Variants in TCF7L2 observed in about 807,000 individuals in gnomAD.
TCF7L2 encodes transcription factor 7 like 2.
In TCF7L2, 23 loss-of-function variants were observed where a neutral mutation model predicts 77.9. The ratio of observed to expected loss-of-function variants is 0.30; its 90% CI spans 0.21 to 0.42. TCF7L2 has a LOEUF of 0.42. TCF7L2 is among the 10% of genes least tolerant of loss of function. The pLI, the probability that TCF7L2 is intolerant of heterozygous loss-of-function variation, is 1.00. For synonymous variants in TCF7L2, 413 were observed against 340.2 expected, an observed-to-expected ratio of 1.21 and a Z score of -2.36; for missense variants, 654 against 793.1, an observed-to-expected ratio of 0.82 and a Z score of 2.11.
chr10:113,063,624 T>A (rs1412304295), intron 5 of TCF7L2, among the ~76,000 whole-genome samples: 1 of 151,956 alleles, frequency 6.6e-6, no homozygotes, highest in Non-Finnish European at 1.5e-5. Flanking sequence ...TTAATCTGAT[T>A]CTGTTATCTG....
At chr10:113,127,073 G>A (rs2065768926) in intron 5 of TCF7L2, 2 of 283,412 alleles carry the variant, frequency 7.1e-6, no homozygotes, top group Non-Finnish European at 1.1e-5. Flanking sequence ...CGGGGTGGAT[G>A]CAGTAGATTT....
intron 5 of TCF7L2, among the ~76,000 whole-genome samples, chr10:113,068,406 G>A (rs530386095): frequency 1.9e-4 from 29 of 152,308 alleles, no homozygotes; most frequent in African/African-American, 6.3e-4. Flanking sequence ...AGAAGCCCTC[G>A]TGAGCAAGCC....
At chr10:113,162,315 ATGGGGTGGG>A (rs141675222) in intron 13 of TCF7L2, among the ~76,000 whole-genome samples, 1,897 of 152,214 alleles carry the variant, frequency 0.012, 46 homozygotes, top group African/African-American at 0.044. Context: ...TATTTTATTA[ATGGGGTGGG>A]TGGTGGTTTA....
chr10:113,126,605 T>G (rs1054808141), intron 5 of TCF7L2: 1 of 984,808 alleles, frequency 1.0e-6, no homozygotes, highest in Non-Finnish European at 1.2e-6. Flanking sequence ...GGGGGTGGGT[T>G]GTTGTGGAAT....
chr10:113,026,836 C>T (rs1482760581), intron 4 of TCF7L2, among the ~76,000 whole-genome samples: 1 of 152,200 alleles, frequency 6.6e-6, no homozygotes, highest in East Asian at 1.9e-4. Flanking sequence ...AACTTTCTTG[C>T]TATTAATAGC....
intron 5 of TCF7L2, among the ~76,000 whole-genome samples, chr10:113,114,770 A>G (rs1457286962): frequency 6.6e-6 from 1 of 152,222 alleles, no homozygotes; most frequent in Non-Finnish European, 1.5e-5. Flanking sequence ...GCCTAGACTG[A>G]GAGAGAAAGA....
intron 4 of TCF7L2, among the ~76,000 whole-genome samples, chr10:113,016,631 A>T (rs761875429): frequency 1.3e-5 from 2 of 151,964 alleles, no homozygotes; most frequent in Non-Finnish European, 2.9e-5. Flanking sequence ...CCCTTCCTTC[A>T]TCCCAGCTGA....
chr10:113,074,482 A>G (rs1373929408), intron 5 of TCF7L2, among the ~76,000 whole-genome samples: 1 of 152,130 alleles, frequency 6.6e-6, no homozygotes. Context: ...GCTAATGTCA[A>G]TCCTGTCACT....
intron 5 of TCF7L2, among the ~76,000 whole-genome samples, chr10:113,064,058 A>G (rs1304829457): frequency 6.6e-6 from 1 of 151,880 alleles, no homozygotes; most frequent in Admixed American, 6.6e-5. Context: ...GTATTTGGAG[A>G]GATTGTTAAG....
At chr10:113,107,804 G>A (rs959516875) in intron 5 of TCF7L2, among the ~76,000 whole-genome samples, 1 of 144,128 alleles carries the variant, frequency 6.9e-6, no homozygotes, top group Non-Finnish European at 1.5e-5. Context: ...TACATCACTT[G>A]CAATTAGGGA....
At chr10:113,112,553 C>T (rs758592724) in intron 5 of TCF7L2, among the ~76,000 whole-genome samples, 4 of 152,212 alleles carry the variant, frequency 2.6e-5, no homozygotes, top group Non-Finnish European at 4.4e-5. Context: ...AGAACACATA[C>T]GTGTTGTAAA....
intron 5 of TCF7L2, among the ~76,000 whole-genome samples, chr10:113,117,566 G>A (rs897276048): frequency 6.6e-6 from 1 of 151,946 alleles, no homozygotes; most frequent in Non-Finnish European, 1.5e-5. Context: ...GAGAAGGCAA[G>A]GTATTGGAAT....
intron 5 of TCF7L2, among the ~76,000 whole-genome samples, chr10:113,111,545 C>A (rs1466689356): frequency 1.3e-5 from 2 of 152,164 alleles, no homozygotes; most frequent in African/African-American, 2.4e-5. Flanking sequence ...TAATCTCAGT[C>A]CTTTCAGAGG....
chr10:113,125,191 G>A (rs540627491), intron 5 of TCF7L2, among the ~76,000 whole-genome samples: 22 of 151,766 alleles, frequency 1.4e-4, no homozygotes, highest in Admixed American at 1.3e-3. Context: ...AATTATCCCA[G>A]ATGGGACGAA....
At chr10:112,999,442 G>C (rs139081424) in intron 4 of TCF7L2, among the ~76,000 whole-genome samples, 89 of 152,302 alleles carry the variant, frequency 5.8e-4, no homozygotes, top group African/African-American at 1.8e-3. Flanking sequence ...ATAGTATCTT[G>C]TCTTAGCTTG....
At chr10:113,149,312 C>G (rs1260437311) in intron 8 of TCF7L2, among the ~76,000 whole-genome samples, 2 of 152,180 alleles carry the variant, frequency 1.3e-5, no homozygotes, top group African/African-American at 4.8e-5. Context: ...CATTTTCCTT[C>G]TCTCTCTCTT....
At chr10:112,990,888 G>C (rs958762180) in intron 4 of TCF7L2, among the ~76,000 whole-genome samples, 1 of 152,148 alleles carries the variant, frequency 6.6e-6, no homozygotes, top group African/African-American at 2.4e-5. Flanking sequence ...GGAGAAAAAT[G>C]CTACCCAAGA....
At chr10:113,030,896 G>A (rs551340951) in intron 4 of TCF7L2, among the ~76,000 whole-genome samples, 5 of 152,314 alleles carry the variant, frequency 3.3e-5, no homozygotes, top group African/African-American at 1.2e-4. Context: ...AGATGGCTAG[G>A]TCTGGGCCTC....
intron 5 of TCF7L2, among the ~76,000 whole-genome samples, chr10:113,123,845 TATCTC>T (rs1316935006): frequency 1.3e-5 from 2 of 152,242 alleles, no homozygotes; most frequent in Non-Finnish European, 2.9e-5. Flanking sequence ...CTTGTATTCT[TATCTC>T]ATCCTCTTAA....
Sources: gnomAD v4.1 joint callset for allele counts (sites outside exome capture counted in the v4.1 genomes callset) on GRCh38, gnomAD v4.1.1 for gene constraint, MANE v1.5 for transcripts, NCBI Gene and HGNC (gene_info 2026-07-23, HGNC 2026-07-21) for gene names.